Variants in WRNIP1 observed in about 807,000 individuals in gnomAD.
The protein encoded by WRNIP1 is ATPase WRNIP1.
In WRNIP1, 41 loss-of-function variants were observed where a neutral mutation model predicts 56.1. The ratio of observed to expected loss-of-function variants is 0.73; its 90% CI spans 0.57 to 0.95. The LOEUF (loss-of-function observed/expected upper bound fraction) is 0.95, where lower values mean the gene tolerates loss of function less well. Among genes scored for constraint, WRNIP1 ranks in the 40% least tolerant of loss-of-function variants. WRNIP1 has a pLI of 0.00. For synonymous variants in WRNIP1, 547 were observed against 398.1 expected (o/e 1.37, Z -4.45); for missense variants, 1,170 against 939.4 (o/e 1.25, Z -3.21).
At position 2,765,976 on chromosome 6, in the gene WRNIP1, C is replaced by A; in HGVS notation, c.354C>A (p.Ser118Arg). The change falls in exon 1 of 7, where the codon AGC becomes AGA. Residue 118 changes from serine (S) to arginine (R), a missense_variant. By Grantham distance (110) the Ser-to-Arg change is moderately radical. Coordinates refer to ENST00000380773, the MANE Select transcript of WRNIP1 (RefSeq NM_020135.3). Reference protein sequence around the residue: ...RESYDAPPTPSGARLIPDFPV... With the variant: ...RESYDAPPTPRGARLIPDFPV... ...GCTACGACGCGCCGCCCACACCCAGCGGCGCCCGCCTTATCCCCGACTTCC... is the reference window on the plus strand; with the variant it reads ...GCTACGACGCGCCGCCCACACCCAGAGGCGCCCGCCTTATCCCCGACTTCC... 1 of 1,401,196 alleles carries A rather than the reference C, an allele frequency of 7.1e-7. No homozygotes were observed. Among genetic ancestry groups the A allele is most frequent in the Non-Finnish European group, 9.3e-7 (1 of 1,076,206 alleles). 86.8% of individuals were successfully genotyped at this position (1,401,196 alleles called of 1,614,324 possible).
At chr6:2,773,170 A>G (rs891761493) in intron 3 of WRNIP1, 1 of 985,454 alleles carries the variant, frequency 1.0e-6, no homozygotes, top group African/African-American at 1.7e-5. Context: ...TTAAAGTGAA[A>G]TAAGTGTTCT....
rs770287690 is a variant in WRNIP1 at position 2,785,434 on chromosome 6, T to A, written c.*152T>A. ...AAGAGTTCCATAGGTGGAGGCGCAG[T>A]TCTTTCGAATAAATGTGTAACTTTG... On this transcript the variant is annotated 3_prime_UTR_variant, in exon 7 of 7. Coordinates refer to ENST00000380773, the MANE Select transcript of WRNIP1 (RefSeq NM_020135.3). 1.3e-5 allele frequency: 10 copies of A among 778,634 alleles called. No homozygotes were observed. Among genetic ancestry groups the A allele is most frequent in the Non-Finnish European group, 2.0e-5 (10 of 498,034 alleles). 48.2% of individuals were successfully genotyped at this position (778,634 alleles called of 1,614,324 possible). A position where few individuals can be genotyped will look rare whatever the true frequency, so the allele number is the denominator to read the frequency against.
At chr6:2,775,927 C>T (rs1419047673) in intron 3 of WRNIP1, among the ~76,000 whole-genome samples, 1 of 152,160 alleles carries the variant, frequency 6.6e-6, no homozygotes, top group Non-Finnish European at 1.5e-5. Context: ...AGTCTATCCC[C>T]AGAATAGATT....
In WRNIP1 at chr6:2,770,279, G is replaced by C; in HGVS notation, c.1174G>C (p.Ala392Pro). The C allele has an allele frequency of 6.2e-7, 1 of 1,614,160 alleles. No homozygotes were observed. Among genetic ancestry groups the C allele is most frequent in the Non-Finnish European group, 8.5e-7 (1 of 1,180,036 alleles). Residue 392 changes from alanine (A) to proline (P), a missense_variant, in exon 3 of 7, where the codon GCG (alanine) becomes CCG (proline). Transcript: ENST00000380773. ...VEAMVTILMR[A>P]INSLGIHVLD... Reference sequence around the variant, plus strand: ...GGCAATGGTGACTATTTTAATGCGAGCGATCAACTCCCTGGGAATCCACGT... The same window carrying C: ...GGCAATGGTGACTATTTTAATGCGACCGATCAACTCCCTGGGAATCCACGT...
Position 2,766,252 on chromosome 6 carries a change from C to T in WRNIP1, c.630C>T (p.Pro210=), listed in dbSNP as rs561224946. The part of the protein sequence containing the change: ...FGASGGGRPH[P]RALAAEEIRQ... ...CCAGTGGCGGGGGCCGCCCGCACCC[C>T]CGGGCGCTGGCTGCCGAGGAGATCC... Residue 210 remains proline (P), a synonymous_variant, in exon 1 of 7, where the codon CCC becomes CCT. Coordinates refer to ENST00000380773, the MANE Select transcript of WRNIP1 (RefSeq NM_020135.3). 3.9e-6 allele frequency: 6 copies of T among 1,522,072 alleles called. No homozygotes were observed. The highest frequency in any genetic ancestry group is 5.1e-5 in the East Asian group (2 of 38,994). The allele number at this position is 1,522,072 out of a possible 1,614,324, so 94.3% of individuals were successfully genotyped here.
At chr6:2,776,923 T>A (rs1404710132) in intron 3 of WRNIP1, among the ~76,000 whole-genome samples, 5 of 152,214 alleles carry the variant, frequency 3.3e-5, no homozygotes, top group Non-Finnish European at 7.3e-5. Flanking sequence ...TTAATGTAAA[T>A]TTTTTTAAAG....
chr6:2,779,122 A>G (rs111788700), intron 3 of WRNIP1, 141 bp from the exon 4 acceptor site: 9 of 830,626 alleles, frequency 1.1e-5, no homozygotes, highest in African/African-American at 5.1e-5. Context: ...ATGCTTAAGC[A>G]CATTGACAAA....
At chr6:2,777,329 T>TAGGGATGG (rs141431505) in intron 3 of WRNIP1, among the ~76,000 whole-genome samples, 21,003 of 152,088 alleles carry the variant, frequency 0.14, 1,786 homozygotes, top group East Asian at 0.31. Context: ...CTCCGCATAG[T>TAGGGATGG]AGGGATGATG....
chr6:2,772,516 G>GT (rs745519725), intron 3 of WRNIP1, among the ~76,000 whole-genome samples: 44 of 152,222 alleles, frequency 2.9e-4, no homozygotes, highest in Non-Finnish European at 6.2e-4. Context: ...GAGAAAAGTA[G>GT]TTTAATATGT....
chr6:2,766,144 C>T lies in WRNIP1; in HGVS notation c.522C>T (p.Gly174=). ...EEEEAVGDGD[G]DGDADADGED... ...AGGAGGCCGTGGGCGACGGCGATGG[C>T]GACGGGGACGCGGACGCGGACGGCG... The change falls in exon 1 of 7, where the codon GGC becomes GGT. Residue 174 remains glycine (G), a synonymous_variant. Coordinates refer to ENST00000380773, the MANE Select transcript of WRNIP1 (RefSeq NM_020135.3). 1.5e-6 allele frequency: 2 copies of T among 1,314,390 alleles called. No individual in the cohort carries two copies. 81.4% of individuals were successfully genotyped at this position (1,314,390 alleles called of 1,614,324 possible). A position where few individuals can be genotyped will look rare whatever the true frequency, so the allele number is the denominator to read the frequency against.
chr6:2,771,004 CATAG>C (rs967149776), intron 3 of WRNIP1, among the ~76,000 whole-genome samples: 27 of 152,202 alleles, frequency 1.8e-4, no homozygotes, highest in African/African-American at 6.3e-4. Flanking sequence ...AAGTGTATAT[CATAG>C]ATAATTTGAT....
rs1167649887 is a variant in WRNIP1 at position 2,765,856 on chromosome 6, G to C, written c.234G>C (p.Ser78=). ...GAKRRRLSES[S]ALKQPATPTA... ...AGAGGCGGCGGCTGTCGGAGAGCTC[G>C]GCGCTGAAGCAGCCAGCCACCCCGA... The change falls in exon 1 of 7, where the codon TCG becomes TCC. Residue 78 remains serine (S), a synonymous_variant. Coordinates refer to ENST00000380773, the MANE Select transcript of WRNIP1 (RefSeq NM_020135.3). 2 of 1,423,410 alleles carry C rather than the reference G, an allele frequency of 1.4e-6. No individual in the cohort carries two copies. Among genetic ancestry groups the C allele is most frequent in the African/African-American group, 1.5e-5 (1 of 67,338 alleles). 88.2% of individuals were successfully genotyped at this position (1,423,410 alleles called of 1,614,324 possible). A position where few individuals can be genotyped will look rare whatever the true frequency, so the allele number is the denominator to read the frequency against.
intron 4 of WRNIP1, among the ~76,000 whole-genome samples, chr6:2,782,105 A>G (rs1765574749): frequency 6.6e-6 from 1 of 152,212 alleles, no homozygotes; most frequent in African/African-American, 2.4e-5. Context: ...GAGTTTAGCC[A>G]GGCCTGTTAC....
chr6:2,780,439 G>A (rs1006220848), intron 4 of WRNIP1, among the ~76,000 whole-genome samples: 21 of 152,340 alleles, frequency 1.4e-4, no homozygotes, highest in African/African-American at 5.1e-4. Context: ...GCTGACCAAA[G>A]CTTTTTGGCT....
intron 6 of WRNIP1, 119 bp downstream of exon 6, chr6:2,784,522 C>A: frequency 9.7e-7 from 1 of 1,029,582 alleles, no homozygotes; most frequent in Non-Finnish European, 1.4e-6. Context: ...ACTGAGTATG[C>A]TGCTTGGCTT....
chr6:2,769,477 T>A (rs922790556), intron 2 of WRNIP1, among the ~76,000 whole-genome samples: 3 of 152,138 alleles, frequency 2.0e-5, no homozygotes, highest in Non-Finnish European at 4.4e-5. Context: ...TAAAAAAAAA[T>A]TAAATTTTTA....
chr6:2,774,427 T>A (rs1444429258), intron 3 of WRNIP1: 1 of 276,272 alleles, frequency 3.6e-6, no homozygotes, highest in African/African-American at 2.3e-5. Flanking sequence ...TTCCTTGGCT[T>A]ATGACTATGT....
rs779986502 is a variant in WRNIP1 at position 2,766,244 on chromosome 6, C to CTT, written c.622_623insTT (p.Pro208LeufsTer75). 22 of 1,493,920 alleles carry CTT rather than the reference C, an allele frequency of 1.5e-5. No individual in the cohort carries two copies. The highest frequency in any genetic ancestry group is 2.0e-5 in the Non-Finnish European group (22 of 1,120,416). The allele number at this position is 1,493,920 out of a possible 1,614,324, so 92.5% of individuals were successfully genotyped here. On this transcript the variant is annotated frameshift_variant, in exon 1 of 7. Coordinates refer to ENST00000380773, the MANE Select transcript of WRNIP1 (RefSeq NM_020135.3). LOFTEE classifies it high-confidence loss of function. The stretch of plus-strand genomic sequence containing the variant: ...CTTCGGGGCCAGTGGCGGGGGCCGC[C>CTT]CGCACCCCCGGGCGCTGGCTGCCGA...
chr6:2,780,384 G>A (rs1430470426), intron 4 of WRNIP1, among the ~76,000 whole-genome samples: 3 of 152,224 alleles, frequency 2.0e-5, no homozygotes, highest in Non-Finnish European at 2.9e-5. Context: ...GGTTCCAAGC[G>A]CTGCCTCTTC....
Sources: gnomAD v4.1 joint callset for allele counts (sites outside exome capture counted in the v4.1 genomes callset) on GRCh38, gnomAD v4.1.1 for gene constraint, MANE v1.5 for transcripts, NCBI Gene and HGNC (gene_info 2026-07-23, HGNC 2026-07-21) for gene names.